CA10: variants seen among roughly 807,000 people sequenced by gnomAD.
CA10 encodes the protein carbonic anhydrase 10 (inactive).
Under a neutral mutation model 44.2 loss-of-function variants are expected in CA10, and 14 were observed. The ratio of observed to expected loss-of-function variants is 0.32; its 90% CI spans 0.21 to 0.50. The LOEUF is 0.50. Among genes scored for constraint, CA10 ranks in the 20% least tolerant of loss-of-function variants. CA10 has a pLI of 0.99. For synonymous variants in CA10, 159 were observed against 141.6 expected (o/e 1.12, Z -0.87); for missense variants, 350 against 409.7 (o/e 0.85, Z 1.26).
In CA10 at chr17:52,089,675, A is replaced by C. The variant is rs138584687; in HGVS notation, c.62-17282T>G. Among the ~76,000 whole-genome samples, 352 of 152,258 alleles carry C rather than the reference A, an allele frequency of 2.3e-3. 1 individual carries two copies. The highest frequency in any genetic ancestry group is 8.0e-3 in the African/African-American group (332 of 41,570). On this transcript the variant is annotated intron_variant, in intron 1 of 8. Coordinates refer to ENST00000451037, the MANE Select transcript of CA10 (RefSeq NM_020178.5). ...TTAGGCATTGTAAGACATTAACAAC[A>C]ATAGCTAGTAAACAATAGAACAGTG...
rs1392519280 is a variant in CA10 at position 51,747,829 on chromosome 17, A to T, written c.280-11T>A. ...CATGGTCCCACTGACCTGCAAGGCAATTAGCAACAGGTCAAGCAAGGCCCT... is the reference window on the plus strand; with the variant it reads ...CATGGTCCCACTGACCTGCAAGGCATTTAGCAACAGGTCAAGCAAGGCCCT... On this transcript the variant is annotated splice_polypyrimidine_tract_variant and intron_variant, in intron 3 of 8. Transcript: ENST00000451037. The T allele has an allele frequency of 6.2e-7, 1 of 1,602,384 alleles. No homozygotes were observed.
At chr17:51,788,131 T>C (rs946862625) in intron 3 of CA10, among the ~76,000 whole-genome samples, 3 of 152,178 alleles carry the variant, frequency 2.0e-5, no homozygotes, top group African/African-American at 7.2e-5. Context: ...TTTGCTGCTT[T>C]TGGGTATGTT....
At chr17:52,009,199 A>G (rs1352566242) in intron 2 of CA10, among the ~76,000 whole-genome samples, 1 of 151,824 alleles carries the variant, frequency 6.6e-6, no homozygotes, top group Non-Finnish European at 1.5e-5. Context: ...GTTTTTTTTT[A>G]ACGTGTCTCT....
intron 4 of CA10, among the ~76,000 whole-genome samples, chr17:51,721,421 A>T (rs972739585): frequency 6.6e-6 from 1 of 151,894 alleles, no homozygotes; most frequent in Admixed American, 6.6e-5. Flanking sequence ...TGCAACCTCT[A>T]CCTCCTAGGT....
intron 4 of CA10, among the ~76,000 whole-genome samples, chr17:51,690,532 G>T (rs115616333): frequency 6.6e-6 from 1 of 152,180 alleles, no homozygotes; most frequent in Non-Finnish European, 1.5e-5. Flanking sequence ...GGAGAGGCCT[G>T]GTGGGAGGTA....
At chr17:51,962,382 G>A (rs1983924338) in intron 2 of CA10, among the ~76,000 whole-genome samples, 1 of 152,234 alleles carries the variant, frequency 6.6e-6, no homozygotes, top group South Asian at 2.1e-4. Flanking sequence ...TGGGGGACCT[G>A]TACATGGGCC....
At chr17:52,111,661 G>T (rs1439771766) in intron 1 of CA10, among the ~76,000 whole-genome samples, 2 of 152,168 alleles carry the variant, frequency 1.3e-5, no homozygotes, top group Admixed American at 1.3e-4. Context: ...GAAAGAGAGA[G>T]CTGGGTTGGT....
chr17:52,000,148 G>A (rs571219509), intron 2 of CA10, among the ~76,000 whole-genome samples: 1 of 152,174 alleles, frequency 6.6e-6, no homozygotes, highest in African/African-American at 2.4e-5. Context: ...TGTTGTGAAG[G>A]TAAGAATCAC....
chr17:51,963,900 A>C (rs186471925), intron 2 of CA10, among the ~76,000 whole-genome samples: 72 of 152,270 alleles, frequency 4.7e-4, no homozygotes, highest in African/African-American at 1.7e-3. Context: ...CAATAGGATA[A>C]AAATCTTGCA....
At chr17:51,750,676 G>C (rs948579139) in intron 3 of CA10, among the ~76,000 whole-genome samples, 5 of 152,134 alleles carry the variant, frequency 3.3e-5, no homozygotes, top group Non-Finnish European at 5.9e-5. Context: ...CACAGAGCAG[G>C]GCTGGATCTC....
At position 52,067,246 on chromosome 17, in the gene CA10, T is replaced by C. The variant is rs143652766; in HGVS notation, c.136+5073A>G. Among the ~76,000 whole-genome samples the C allele has an allele frequency of 3.9e-4, 60 of 152,354 alleles. 1 individual carries two copies. The East Asian group carries it at 0.011, about 28-fold the overall frequency. ...TGCTTTGTGCAGTCTCTGGGCTTGG[T>C]GCCCTGCATTCCAGCTGTGGCCAAA... is the stretch of plus-strand genomic sequence containing the variant. On this transcript the variant is annotated intron_variant, in intron 2 of 8. Coordinates refer to ENST00000451037, the MANE Select transcript of CA10 (RefSeq NM_020178.5).
chr17:51,832,313 T>C (rs1453888480), intron 3 of CA10, among the ~76,000 whole-genome samples: 1 of 152,214 alleles, frequency 6.6e-6, no homozygotes, highest in Non-Finnish European at 1.5e-5. Context: ...AGTATTCTGA[T>C]ACATAGTCCT....
chr17:51,752,757 C>T (rs887010531), intron 3 of CA10, among the ~76,000 whole-genome samples: 8 of 151,984 alleles, frequency 5.3e-5, no homozygotes, highest in South Asian at 2.1e-4. Flanking sequence ...GGCGAAACCC[C>T]GTCTCTACTA....
chr17:52,127,374 G>A (rs200082407), intron 1 of CA10, among the ~76,000 whole-genome samples: 2 of 144,052 alleles, frequency 1.4e-5, no homozygotes, highest in Non-Finnish European at 3.1e-5. Flanking sequence ...CTTTTGGGCT[G>A]TTTCTGATGT....
intron 3 of CA10, among the ~76,000 whole-genome samples, chr17:51,926,610 C>T (rs532856327): frequency 6.6e-5 from 10 of 152,262 alleles, no homozygotes; most frequent in South Asian, 6.2e-4. Flanking sequence ...TGTTTCTTTG[C>T]GCTTTGCAGC....
chr17:51,851,462 T>G (rs547554940), intron 3 of CA10, among the ~76,000 whole-genome samples: 1 of 152,304 alleles, frequency 6.6e-6, no homozygotes, highest in East Asian at 1.9e-4. Context: ...ATAAAAGAAA[T>G]ATGTACCTCA....
chr17:51,750,860 G>A (rs1010663071), intron 3 of CA10, among the ~76,000 whole-genome samples: 8 of 152,200 alleles, frequency 5.3e-5, no homozygotes, highest in Non-Finnish European at 4.4e-5. Flanking sequence ...TTTCATCTAT[G>A]TCTGTCTAAT....
At chr17:51,857,222 C>T (rs1979087791) in intron 3 of CA10, among the ~76,000 whole-genome samples, 1 of 152,148 alleles carries the variant, frequency 6.6e-6, no homozygotes, top group Admixed American at 6.5e-5. Flanking sequence ...ATTGTGATGT[C>T]CTTGCCAAAA....
At chr17:51,676,731 A>G (rs1914637304) in intron 4 of CA10, among the ~76,000 whole-genome samples, 1 of 152,188 alleles carries the variant, frequency 6.6e-6, no homozygotes, top group Non-Finnish European at 1.5e-5. Context: ...CACTTTTAGC[A>G]GGTTATGTGC....
Sources: gnomAD v4.1 joint callset for allele counts (sites outside exome capture counted in the v4.1 genomes callset) on GRCh38, gnomAD v4.1.1 for gene constraint, MANE v1.5 for transcripts, NCBI Gene and HGNC (gene_info 2026-07-23, HGNC 2026-07-21) for gene names.